PLEKHA5: variants seen among roughly 807,000 people sequenced by gnomAD.
PLEKHA5 encodes pleckstrin homology domain containing A5.
PLEKHA5 carries 55 observed loss-of-function variants against 181.9 expected under a neutral mutation model. That is an observed-to-expected ratio of 0.30 (90% CI 0.24 to 0.38). The LOEUF (loss-of-function observed/expected upper bound fraction) is 0.38. Ranked by LOEUF, PLEKHA5 falls within the 10% of genes least tolerant of loss-of-function variation. The pLI is 1.00. For missense variants in PLEKHA5, 1,432 were observed against 1,549.5 expected, an observed-to-expected ratio of 0.92 and a Z score of 1.27; for synonymous variants, 535 against 529.4, an observed-to-expected ratio of 1.01 and a Z score of -0.15.
rs1406881068 is a variant in PLEKHA5, at chr12:19,130,774, C to T, written c.169+644C>T. 1 of 152,282 alleles carries T rather than the reference C, an allele frequency of 6.6e-6. No homozygotes were observed. The highest frequency in any genetic ancestry group is 1.5e-5 in the Non-Finnish European group (1 of 68,120). The allele number at this position is 152,282 out of a possible 1,614,324, so 9.4% of individuals were successfully genotyped here. ...CGGGAAACGCTTGGCGCGTTCCCTC[C>T]TGCCACGGGAGGAGCAGCCGGAGCC... On this transcript the variant is annotated intron_variant, in intron 2 of 31. Transcript: ENST00000429027. This position sits in a 1 kb window ranked among gnomAD's most constrained non-coding sequence, Gnocchi z 4.5.
intron 3 of PLEKHA5, among the ~76,000 whole-genome samples, chr12:19,227,273 G>A (rs983106412): frequency 1.4e-5 from 2 of 143,596 alleles, no homozygotes; most frequent in Non-Finnish European, 3.0e-5. Context: ...TCCCAATTTT[G>A]TTCTAGTGAT....
At chr12:19,141,296 G>A (rs1400719483) in intron 3 of PLEKHA5, among the ~76,000 whole-genome samples, 2 of 151,880 alleles carry the variant, frequency 1.3e-5, no homozygotes, top group East Asian at 1.9e-4. Context: ...AAAAAATCTC[G>A]GACAAGGACT....
chr12:19,139,863 G>A (rs1018948081), intron 3 of PLEKHA5, among the ~76,000 whole-genome samples: 5 of 152,186 alleles, frequency 3.3e-5, no homozygotes, highest in African/African-American at 1.2e-4. Context: ...ACCACAACCT[G>A]AGTGAAAGCA....
chr12:19,192,823 G>A (rs2051513588), intron 3 of PLEKHA5, among the ~76,000 whole-genome samples: 1 of 152,202 alleles, frequency 6.6e-6, no homozygotes, highest in Non-Finnish European at 1.5e-5. Flanking sequence ...AGCTTTTAAG[G>A]AGTGATGAGA....
chr12:19,322,436 G>T, intron 19 of PLEKHA5, 46 bp downstream of exon 19: 1 of 1,560,786 alleles, frequency 6.4e-7, no homozygotes, highest in Non-Finnish European at 8.8e-7. Flanking sequence ...TACTTAATAT[G>T]ATTATTATCA....
chr12:19,332,350 C>G (rs1414991825), intron 20 of PLEKHA5, among the ~76,000 whole-genome samples: 1 of 152,144 alleles, frequency 6.6e-6, no homozygotes, highest in African/African-American at 2.4e-5. Flanking sequence ...ATAACATGTT[C>G]TCAGAAAAGC....
At chr12:19,318,848 G>A (rs1050496252) in intron 16 of PLEKHA5, among the ~76,000 whole-genome samples, 1 of 152,106 alleles carries the variant, frequency 6.6e-6, no homozygotes, top group African/African-American at 2.4e-5. Context: ...TTGAACCCTG[G>A]AGGCAGAGGT....
At chr12:19,210,248 T>A (rs1397947776) in intron 3 of PLEKHA5, among the ~76,000 whole-genome samples, 1 of 152,222 alleles carries the variant, frequency 6.6e-6, no homozygotes, top group African/African-American at 2.4e-5. Context: ...ACAGACGTTT[T>A]GAAGTCCCCT....
At chr12:19,140,875 G>A (rs1281996207) in intron 3 of PLEKHA5, among the ~76,000 whole-genome samples, 1 of 152,138 alleles carries the variant, frequency 6.6e-6, no homozygotes, top group East Asian at 1.9e-4. Flanking sequence ...TGCAACCTCT[G>A]CCTCCTGGGT....
intron 3 of PLEKHA5, among the ~76,000 whole-genome samples, chr12:19,181,287 A>G (rs2048507456): frequency 6.6e-6 from 1 of 152,194 alleles, no homozygotes; most frequent in African/African-American, 2.4e-5. Context: ...TAATGTGATT[A>G]AATGAAGTAG....
Position 19,284,303 on chromosome 12 carries a change from A to G in PLEKHA5, c.1779+558A>G, listed in dbSNP as rs145291565. On this transcript the variant is annotated intron_variant, in intron 12 of 31. Coordinates refer to ENST00000429027, the MANE Select transcript of PLEKHA5 (RefSeq NM_001256470.2). ...AGGCTGGTCTTGAACTCCTGATCTC[A>G]AGTGACCCACTGGCCTCAGCCTCCC... is the stretch of plus-strand genomic sequence containing the variant. Among the ~76,000 whole-genome samples, 292 of 152,198 alleles carry G rather than the reference A, an allele frequency of 1.9e-3. 1 individual carries two copies. The highest frequency in any genetic ancestry group is 3.3e-3 in the Non-Finnish European group (223 of 68,020).
intron 3 of PLEKHA5, among the ~76,000 whole-genome samples, chr12:19,183,451 A>G (rs1347425022): frequency 1.3e-5 from 2 of 152,232 alleles, no homozygotes; most frequent in Admixed American, 6.5e-5. Context: ...TAGTATTATC[A>G]TTTTACAGGT....
intron 3 of PLEKHA5, among the ~76,000 whole-genome samples, chr12:19,199,911 G>C (rs931167378): frequency 3.3e-5 from 5 of 152,052 alleles, no homozygotes; most frequent in Non-Finnish European, 5.9e-5. Context: ...AACAGCACAT[G>C]TTCACATTCT....
chr12:19,369,684 G>A lies in PLEKHA5; in HGVS notation c.3755-9G>A, dbSNP rs2095528922. The A allele has an allele frequency of 6.4e-7, 1 of 1,568,258 alleles. No homozygotes were observed. ...TTTTATCTTCTCCCATTTTCTTTGT[G>A]TGTTTTAGTGAAAAGTCTGTCCCCA... is the stretch of plus-strand genomic sequence containing the variant. On this transcript the variant is annotated splice_polypyrimidine_tract_variant and intron_variant, in intron 30 of 31. Coordinates refer to ENST00000429027, the MANE Select transcript of PLEKHA5 (RefSeq NM_001256470.2).
At position 19,358,355 on chromosome 12, in the gene PLEKHA5, G is replaced by A. The variant is rs34017618; in HGVS notation, c.3266G>A (p.Gly1089Glu). 3 of 1,613,784 alleles carry A rather than the reference G, an allele frequency of 1.9e-6. No individual in the cohort carries two copies. In the African/African-American group the frequency reaches 4.0e-5, roughly 22 times the overall value. The change falls in exon 27 of 32, where the codon GGG becomes GAG. Residue 1089 changes from glycine (G) to glutamate (E), a missense_variant. By Grantham distance (98) the Gly-to-Glu change is moderately conservative. Coordinates refer to ENST00000429027, the MANE Select transcript of PLEKHA5 (RefSeq NM_001256470.2). ...QQACLREKKK[G>E]LNVIGASDQS... ...GCGTGCCTGAGGGAGAAGAAAAAAG[G>A]GTTAAATGTTATCGGTGCTTCAGAC...
At chr12:19,318,715 G>T (rs985110296) in intron 16 of PLEKHA5, among the ~76,000 whole-genome samples, 5 of 152,122 alleles carry the variant, frequency 3.3e-5, no homozygotes, top group Non-Finnish European at 7.4e-5. Flanking sequence ...TTGAGGTCAG[G>T]AGTTCCAGAC....
At chr12:19,203,827 T>A (rs2152093282) in intron 3 of PLEKHA5, among the ~76,000 whole-genome samples, 2 of 143,984 alleles carry the variant, frequency 1.4e-5, no homozygotes, top group East Asian at 4.0e-4. Context: ...TCTCAAATAA[T>A]ACTTAGAGAT....
At chr12:19,193,169 C>G (rs976031857) in intron 3 of PLEKHA5, among the ~76,000 whole-genome samples, 2 of 152,090 alleles carry the variant, frequency 1.3e-5, no homozygotes, top group Non-Finnish European at 2.9e-5. Context: ...TGTGAGTCAA[C>G]TTTAAACATA....
At chr12:19,298,408 CTTTTTTTTTTT>C (rs533661916) in intron 15 of PLEKHA5, among the ~76,000 whole-genome samples, 19 of 106,314 alleles carry the variant, frequency 1.8e-4, no homozygotes, top group Middle Eastern at 9.9e-3. Flanking sequence ...ATTTTTTTAG[CTTTTTTTTTTT>C]TTTTTTTTTT....
Sources: allele counts gnomAD v4.1 joint callset (sites outside exome capture counted in the v4.1 genomes callset), GRCh38; gene constraint gnomAD v4.1.1; non-coding constraint Gnocchi (gnomAD v3.1); transcripts MANE v1.5; gene names NCBI Gene and HGNC (gene_info 2026-07-23, HGNC 2026-07-21).